HNRNPUL1: variants seen among roughly 807,000 people sequenced by gnomAD.
HNRNPUL1 encodes the protein heterogeneous nuclear ribonucleoprotein U like 1, also known as heterogeneous nuclear ribonucleoprotein U-like protein 1.
Under a neutral mutation model 108.5 loss-of-function variants are expected in HNRNPUL1, and 14 were observed. That is an observed-to-expected ratio of 0.13 (90% CI 0.09 to 0.20). The LOEUF is 0.20. Among genes scored for constraint, HNRNPUL1 ranks in the 10% least tolerant of loss-of-function variants. The pLI is 1.00. For synonymous variants in HNRNPUL1, 422 were observed against 445.2 expected, an observed-to-expected ratio of 0.95 and a Z score of 0.66; for missense variants, 804 against 1,168.3, an observed-to-expected ratio of 0.69 and a Z score of 4.55.
At chr19:41,263,437 G>T, upstream of HNRNPUL1, among the ~76,000 whole-genome samples, 1 of 152,146 alleles carries the variant, frequency 6.6e-6, no homozygotes, top group East Asian at 1.9e-4. Context: ...TGTCTTTCGG[G>T]AGGGGAAGGC....
chr19:41,305,937 G>A, intron 14 of HNRNPUL1, 70 bp downstream of exon 14: 2 of 1,072,502 alleles, frequency 1.9e-6, no homozygotes, highest in Non-Finnish European at 2.7e-6. Flanking sequence ...TGTATTCCCA[G>A]ACTTAAGTCC....
At chr19:41,291,077 C>CT in intron 7 of HNRNPUL1, among the ~76,000 whole-genome samples, 1 of 152,300 alleles carries the variant, frequency 6.6e-6, no homozygotes, top group South Asian at 2.1e-4. Context: ...TAATTACTAA[C>CT]TTTAGCAATT....
intron 11 of HNRNPUL1, 110 bp from the exon 12 acceptor site, chr19:41,302,555 T>C (rs779590156): frequency 7.4e-7 from 1 of 1,356,674 alleles, no homozygotes; most frequent in Non-Finnish European, 1.1e-6. Context: ...ATTCCAGTTT[T>C]CTTCACCTTC....
intron 6 of HNRNPUL1, among the ~76,000 whole-genome samples, chr19:41,280,252 G>GT (rs1363974697): frequency 6.6e-6 from 1 of 152,156 alleles, no homozygotes; most frequent in Non-Finnish European, 1.5e-5. Context: ...TGAGAAATTG[G>GT]TTAATGGGTA....
rs746258789 is a variant in HNRNPUL1 at position 41,304,051 on chromosome 19, C to T, written c.2052C>T (p.Asn684=). Residue 684 remains asparagine (N), a synonymous_variant, in exon 13 of 15, where the codon AAC becomes AAT. Transcript: ENST00000392006. ...ACCGGGATAACAACAACTCCAACAA[C>T]AGAGGCAGCTACAACCGGGCTCCCC... ...NNNRDNNNSN[N]RGSYNRAPQQ... 3 of 1,613,844 alleles carry T rather than the reference C, an allele frequency of 1.9e-6. 1 individual carries two copies. The South Asian group carries it at 3.3e-5, about 18-fold the overall frequency.
In HNRNPUL1 at chr19:41,276,414, A is replaced by G. The variant is rs1599782310; in HGVS notation, c.786+116A>G. The stretch of plus-strand genomic sequence containing the variant: ...AAAAGAGATTGGATTGTGCAATACC[A>G]TGTCCAAGCAGACAAAACTGTGATG... On this transcript the variant is annotated intron_variant, in intron 5 of 14. Coordinates refer to ENST00000392006, the MANE Select transcript of HNRNPUL1 (RefSeq NM_007040.6). The G allele has an allele frequency of 1.2e-5, 14 of 1,121,570 alleles. No individual in the cohort carries two copies. In the East Asian group the frequency reaches 1.8e-4, roughly 14 times the overall value. 69.5% of individuals were successfully genotyped at this position (1,121,570 alleles called of 1,614,324 possible). A position where few individuals can be genotyped will look rare whatever the true frequency, so the allele number is the denominator to read the frequency against.
In HNRNPUL1 at chr19:41,307,263, C is replaced by CT; in HGVS notation, c.*703dup. On this transcript the variant is annotated 3_prime_UTR_variant, in exon 15 of 15. Transcript: ENST00000392006. Reference sequence around the variant, plus strand: ...AACCACAGAATCATCTTTAACCCAACTTTTTATACGATGCCCCAGTTCCCC... The same window carrying CT: ...AACCACAGAATCATCTTTAACCCAACTTTTTTATACGATGCCCCAGTTCCCC... 1 of 152,740 alleles carries CT rather than the reference C, an allele frequency of 6.5e-6. No individual in the cohort carries two copies. Among genetic ancestry groups the CT allele is most frequent in the East Asian group, 1.9e-4 (1 of 5,184 alleles). 9.5% of individuals were successfully genotyped at this position (152,740 alleles called of 1,614,324 possible).
intron 5 of HNRNPUL1, among the ~76,000 whole-genome samples, chr19:41,277,357 C>G (rs2122587936): frequency 1.3e-5 from 2 of 152,244 alleles, no homozygotes; most frequent in Middle Eastern, 3.4e-3. Context: ...GTACTGTTAG[C>G]CCCAGTTTTT....
chr19:41,285,486 G>A (rs943338023), intron 7 of HNRNPUL1, among the ~76,000 whole-genome samples: 1 of 152,046 alleles, frequency 6.6e-6, no homozygotes, highest in East Asian at 1.9e-4. Flanking sequence ...ATTATAGGCC[G>A]GAGACACCAT....
At chr19:41,264,851 G>A in intron 1 of HNRNPUL1, 53 bp downstream of exon 1, 1 of 1,352,914 alleles carries the variant, frequency 7.4e-7, no homozygotes, top group Non-Finnish European at 9.5e-7. Flanking sequence ...GCCGAGGAAA[G>A]GGCTGTGGGA....
At chr19:41,302,281 C>T (rs1354059692) in intron 11 of HNRNPUL1, 5 of 271,366 alleles carry the variant, frequency 1.8e-5, no homozygotes, top group East Asian at 9.0e-5. Context: ...TATAGTGGTG[C>T]GATCTTGGCT....
chr19:41,274,963 C>T (rs776658392), intron 4 of HNRNPUL1, among the ~76,000 whole-genome samples: 3 of 152,138 alleles, frequency 2.0e-5, no homozygotes, highest in Non-Finnish European at 2.9e-5. Context: ...ATGTACAGAT[C>T]ATGACGGTCA....
At chr19:41,290,957 A>G (rs918027229) in intron 7 of HNRNPUL1, among the ~76,000 whole-genome samples, 1 of 152,194 alleles carries the variant, frequency 6.6e-6, no homozygotes, top group African/African-American at 2.4e-5. Context: ...GAGGCAGGAG[A>G]ATCGCTTGAA....
In HNRNPUL1 at chr19:41,292,217, A is replaced by G. The variant is rs1373816889; in HGVS notation, c.1000-28A>G. ...CCAGTGCCTATGGCAAGAGTTGGCAATCATATTCCTTTGGCTTTTTCTCCT... is the reference window on the plus strand; with the variant it reads ...CCAGTGCCTATGGCAAGAGTTGGCAGTCATATTCCTTTGGCTTTTTCTCCT... On this transcript the variant is annotated intron_variant, in intron 7 of 14. Coordinates refer to ENST00000392006, the MANE Select transcript of HNRNPUL1 (RefSeq NM_007040.6). The surrounding 1 kb of genome is among the most constrained non-coding windows in gnomAD (Gnocchi z 4.1). The G allele has an allele frequency of 1.1e-5, 18 of 1,610,180 alleles. No individual in the cohort carries two copies. Among genetic ancestry groups the G allele is most frequent in the Admixed American group, 6.7e-5 (4 of 59,874 alleles).
intron 2 of HNRNPUL1, among the ~76,000 whole-genome samples, chr19:41,270,259 AGGCGTGAGCCACTGAACCC>A (rs2035141459): frequency 6.6e-6 from 1 of 152,016 alleles, no homozygotes; most frequent in Non-Finnish European, 1.5e-5. Context: ...CTGGGGTTAC[AGGCGTGAGCCACTGAACCC>A]GGCCAAGTCC....
At chr19:41,304,975 TG>T (rs1417042513) in intron 13 of HNRNPUL1, among the ~76,000 whole-genome samples, 1 of 152,186 alleles carries the variant, frequency 6.6e-6, no homozygotes, top group Non-Finnish European at 1.5e-5. Context: ...TCTGTGAGCT[TG>T]GACAAATAGC....
In HNRNPUL1 at chr19:41,272,187, A is replaced by T; in HGVS notation, c.524A>T (p.Tyr175Phe). The part of the protein sequence containing the change: ...RQQFQSRKRP[Y>F]EENRGRGYFE... ...CAATTCCAGAGTCGAAAGAGGCCTTATGAAGAAAACCGGGGACGGGGGTAC... is the reference window on the plus strand; with the variant it reads ...CAATTCCAGAGTCGAAAGAGGCCTTTTGAAGAAAACCGGGGACGGGGGTAC... The change falls in exon 3 of 15, where the codon TAT becomes TTT. Residue 175 changes from tyrosine to phenylalanine, a missense_variant. By Grantham distance (22) the Tyr-to-Phe change is conservative. This residue lies in a region of HNRNPUL1 where 256 missense variants were observed against 261.6 expected (regional missense o/e 0.98). Transcript: ENST00000392006. The T allele has an allele frequency of 6.2e-7, 1 of 1,614,134 alleles. No individual in the cohort carries two copies. The highest frequency in any genetic ancestry group is 8.5e-7 in the Non-Finnish European group (1 of 1,180,020).
intron 7 of HNRNPUL1, among the ~76,000 whole-genome samples, chr19:41,290,874 TG>T (rs1184671904): frequency 6.6e-6 from 1 of 152,066 alleles, no homozygotes; most frequent in African/African-American, 2.4e-5. Flanking sequence ...CTGACCAACA[TG>T]GAGAAACCCC....
intron 3 of HNRNPUL1, among the ~76,000 whole-genome samples, chr19:41,272,603 A>G (rs996013520): frequency 5.3e-5 from 8 of 152,170 alleles, no homozygotes; most frequent in Non-Finnish European, 7.3e-5. Context: ...CTTCCCATTC[A>G]TCCACTCATT....
Sources: allele counts gnomAD v4.1 joint callset (sites outside exome capture counted in the v4.1 genomes callset), GRCh38; gene constraint gnomAD v4.1.1; regional missense constraint gnomAD v4.1.1; non-coding constraint Gnocchi (gnomAD v3.1); transcripts MANE v1.5; gene names NCBI Gene and HGNC (gene_info 2026-07-23, HGNC 2026-07-21).